BAG4: variants seen among roughly 807,000 people sequenced by gnomAD.
BAG4 encodes BAG family molecular chaperone regulator 4.
Under a neutral mutation model 52.1 loss-of-function variants are expected in BAG4, and 28 were observed. The ratio of observed to expected loss-of-function variants is 0.54; its 90% CI spans 0.40 to 0.74. The LOEUF (loss-of-function observed/expected upper bound fraction) is 0.74, where lower values mean the gene tolerates loss of function less well. Among genes scored for constraint, BAG4 ranks in the 30% least tolerant of loss-of-function variants. The pLI is 0.00. For synonymous variants in BAG4, 208 were observed against 217.0 expected, an observed-to-expected ratio of 0.96 and a Z score of 0.37; for missense variants, 525 against 572.0, an observed-to-expected ratio of 0.92 and a Z score of 0.84.
chr8:38,212,124 T>C lies in BAG4; in HGVS notation c.*1631T>C, dbSNP rs1563287100. The stretch of plus-strand genomic sequence containing the variant: ...GTGATAATTTTATTCTAGGATTTTA[T>C]TTTTGGCCTAATATAGGAATGTTTA... On this transcript the variant is annotated 3_prime_UTR_variant, in exon 5 of 5. Coordinates refer to ENST00000287322, the MANE Select transcript of BAG4 (RefSeq NM_004874.4). 2 of 152,150 alleles carry C rather than the reference T, an allele frequency of 1.3e-5. No homozygotes were observed. The allele number at this position is 152,150 out of a possible 1,614,324, so 9.4% of individuals were successfully genotyped here.
chr8:38,209,415 T>C, intron 4 of BAG4, 148 bp downstream of exon 4: 1 of 1,032,172 alleles, frequency 9.7e-7, no homozygotes, highest in Non-Finnish European at 1.3e-6. Context: ...CTCAGCTCGG[T>C]TTCCTTTTTC....
At chr8:38,181,592 C>T (rs1585650333) in intron 1 of BAG4, among the ~76,000 whole-genome samples, 1 of 151,666 alleles carries the variant, frequency 6.6e-6, no homozygotes, top group Non-Finnish European at 1.5e-5. Flanking sequence ...CAAAAATTAG[C>T]CAGGTGTGGT....
intron 1 of BAG4, among the ~76,000 whole-genome samples, chr8:38,181,823 G>A (rs1357987201): frequency 1.3e-5 from 2 of 149,732 alleles, no homozygotes; most frequent in East Asian, 2.0e-4. Context: ...CCAGGGAGGC[G>A]GTGGTCGCAG....
At chr8:38,177,629 G>A (rs1016146939) in intron 1 of BAG4, among the ~76,000 whole-genome samples, 1 of 152,212 alleles carries the variant, frequency 6.6e-6, no homozygotes, top group Non-Finnish European at 1.5e-5. Flanking sequence ...GCCTGAGATC[G>A]AATCATGAAT....
intron 2 of BAG4, among the ~76,000 whole-genome samples, chr8:38,206,214 G>C (rs566151434): frequency 6.6e-6 from 1 of 150,910 alleles, no homozygotes; most frequent in Non-Finnish European, 1.5e-5. Flanking sequence ...GGTGGAGGTT[G>C]CAGTGAGCCA....
In BAG4 at chr8:38,208,993, A is replaced by G. The variant is rs1803822385; in HGVS notation, c.634-20A>G. The stretch of plus-strand genomic sequence containing the variant: ...ATAAGTTTTTCACAATGACTGGTAT[A>G]TTTCTTCTTCTCAATCTAGAACCCT... On this transcript the variant is annotated intron_variant, in intron 3 of 4. Transcript: ENST00000287322. 1 of 1,600,768 alleles carries G rather than the reference A, an allele frequency of 6.2e-7. No homozygotes were observed. Among genetic ancestry groups the G allele is most frequent in the African/African-American group, 1.3e-5 (1 of 74,452 alleles).
chr8:38,203,595 G>A (rs1160602165), intron 2 of BAG4, among the ~76,000 whole-genome samples: 3 of 151,986 alleles, frequency 2.0e-5, no homozygotes, highest in Non-Finnish European at 2.9e-5. Flanking sequence ...GGAATTTTTT[G>A]TGATAAGTCC....
intron 2 of BAG4, chr8:38,203,096 A>C (rs1194404517): frequency 2.0e-5 from 3 of 152,114 alleles, no homozygotes; most frequent in Non-Finnish European, 4.4e-5. Flanking sequence ...ATCATCCCCT[A>C]CATATCTGGA....
intron 1 of BAG4, among the ~76,000 whole-genome samples, chr8:38,189,353 C>T (rs1428137348): frequency 6.6e-6 from 1 of 152,160 alleles, no homozygotes; most frequent in Non-Finnish European, 1.5e-5. Flanking sequence ...GGTTTCTTTG[C>T]AGTTCAGCTT....
At chr8:38,178,662 T>C (rs1426105018) in intron 1 of BAG4, among the ~76,000 whole-genome samples, 1 of 152,204 alleles carries the variant, frequency 6.6e-6, no homozygotes, top group African/African-American at 2.4e-5. Flanking sequence ...ACAATATGAA[T>C]GAACCTTGAA....
At chr8:38,183,951 T>C (rs557251851) in intron 1 of BAG4, among the ~76,000 whole-genome samples, 1 of 152,274 alleles carries the variant, frequency 6.6e-6, no homozygotes, top group African/African-American at 2.4e-5. Context: ...TTCTCCCAAG[T>C]GGAGAATTAC....
intron 2 of BAG4, among the ~76,000 whole-genome samples, chr8:38,206,626 T>G (rs1010963122): frequency 6.6e-6 from 1 of 152,150 alleles, no homozygotes; most frequent in African/African-American, 2.4e-5. Context: ...GCTAAACCTT[T>G]TATATATGTC....
At chr8:38,201,545 C>T (rs1266975887) in intron 2 of BAG4, among the ~76,000 whole-genome samples, 2 of 151,922 alleles carry the variant, frequency 1.3e-5, no homozygotes, top group African/African-American at 4.8e-5. Flanking sequence ...TCAGGTGATC[C>T]TTCTACCTCA....
chr8:38,177,168 G>A, intron 1 of BAG4, 29 bp downstream of exon 1: 1 of 1,607,272 alleles, frequency 6.2e-7, no homozygotes, highest in Non-Finnish European at 8.5e-7. Flanking sequence ...GTCCTTGCGG[G>A]GAGGTGAGGG....
intron 3 of BAG4, among the ~76,000 whole-genome samples, chr8:38,208,211 G>A (rs552003303): frequency 2.0e-5 from 3 of 151,006 alleles, no homozygotes; most frequent in East Asian, 1.9e-4. Flanking sequence ...TCCTGACCTC[G>A]TGATCTGCCC....
intron 2 of BAG4, among the ~76,000 whole-genome samples, chr8:38,194,837 G>GT (rs1342567868): frequency 1.3e-3 from 159 of 120,296 alleles, no homozygotes; most frequent in African/African-American, 4.0e-3. Flanking sequence ...TTACTGGGGT[G>GT]TTTTTTTTTG....
rs758224495 is a variant in BAG4, at chr8:38,211,202, CTTTTTTTTTTT to C, written c.*721_*731del. 1.1e-5 allele frequency: 1 copy of C among 93,674 alleles called. No individual in the cohort carries two copies. Among genetic ancestry groups the C allele is most frequent in the African/African-American group, 3.9e-5 (1 of 25,360 alleles). 5.8% of individuals were successfully genotyped at this position (93,674 alleles called of 1,614,324 possible). A position where few individuals can be genotyped will look rare whatever the true frequency, so the allele number is the denominator to read the frequency against. The stretch of plus-strand genomic sequence containing the variant: ...ATCATTAGGTTAGAGTTTTTTTCTT[CTTTTTTTTTTT>C]TTTTTTTTTTTACCACTTCTGCTGT... On this transcript the variant is annotated 3_prime_UTR_variant, in exon 5 of 5. Transcript: ENST00000287322.
intron 1 of BAG4, among the ~76,000 whole-genome samples, chr8:38,179,359 G>T (rs1012982955): frequency 8.6e-5 from 13 of 151,776 alleles, no homozygotes; most frequent in Non-Finnish European, 1.8e-4. Context: ...GTTTTGTCGT[G>T]TGGGCCAGGT....
chr8:38,210,081 A>G lies in BAG4; in HGVS notation c.962A>G (p.Tyr321Cys), dbSNP rs565621251. The G allele has an allele frequency of 2.2e-5, 35 of 1,614,184 alleles. No individual in the cohort carries two copies. In the East Asian group the frequency reaches 7.6e-4, roughly 35 times the overall value. Residue 321 changes from tyrosine (Y) to cysteine (C), a missense_variant, in exon 5 of 5, where the codon TAC becomes TGC. Physicochemically the swap from Tyr to Cys is radical, Grantham distance 194 (BLOSUM62 -2). Coordinates refer to ENST00000287322, the MANE Select transcript of BAG4 (RefSeq NM_004874.4). Reference sequence around the variant, plus strand: ...AACTTTCCTTGCAGTGTCCATCAGTACGAATCCTCGGGGACAGTGAACAAT... The same window carrying G: ...AACTTTCCTTGCAGTGTCCATCAGTGCGAATCCTCGGGGACAGTGAACAAT... Reference protein sequence around the residue: ...RHNFPCSVHQYESSGTVNNDD... With the variant: ...RHNFPCSVHQCESSGTVNNDD...
Sources: gnomAD v4.1 joint callset for allele counts (sites outside exome capture counted in the v4.1 genomes callset) on GRCh38, gnomAD v4.1.1 for gene constraint, MANE v1.5 for transcripts, NCBI Gene and HGNC (gene_info 2026-07-23, HGNC 2026-07-21) for gene names.